Variants in TENM2 observed in about 807,000 individuals in gnomAD.
TENM2 encodes the protein teneurin transmembrane protein 2, also known as teneurin-2.
In TENM2, 52 loss-of-function variants were observed where a neutral mutation model predicts 245.2. The observed-to-expected ratio is 0.21, with a 90% CI of 0.17 to 0.27. The LOEUF (loss-of-function observed/expected upper bound fraction) is 0.27. Among genes scored for constraint, TENM2 ranks in the 10% least tolerant of loss-of-function variants. The pLI is 1.00. For synonymous variants in TENM2, 1,363 were observed against 1,438.9 expected, an observed-to-expected ratio of 0.95 and a Z score of 1.19; for missense variants, 3,046 against 3,666.8, an observed-to-expected ratio of 0.83 and a Z score of 4.37.
chr5:168,226,606 A>ATAGT (rs1211093786), intron 24 of TENM2, among the ~76,000 whole-genome samples: 9 of 151,904 alleles, frequency 5.9e-5, no homozygotes, highest in Non-Finnish European at 1.0e-4. Flanking sequence ...CCCAAAACAC[A>ATAGT]TAGTTATCTT....
intron 20 of TENM2, among the ~76,000 whole-genome samples, chr5:168,212,276 T>C (rs1477300401): frequency 1.3e-5 from 2 of 152,190 alleles, no homozygotes; most frequent in Non-Finnish European, 2.9e-5. Context: ...TAAAATCACT[T>C]TTGAATAGTT....
chr5:167,560,778 T>C (rs993052167), intron 2 of TENM2, among the ~76,000 whole-genome samples: 3 of 152,216 alleles, frequency 2.0e-5, no homozygotes, highest in African/African-American at 7.2e-5. Flanking sequence ...TTCTATACTA[T>C]ATCATAATTC....
intron 9 of TENM2, among the ~76,000 whole-genome samples, chr5:168,105,966 T>C (rs939781761): frequency 6.6e-6 from 1 of 152,238 alleles, no homozygotes. Flanking sequence ...TAAAGCAGCC[T>C]TGCATTTCAG....
At position 167,552,594 on chromosome 5, in the gene TENM2, G is replaced by T. The variant is rs759704737; in HGVS notation, c.502+177121G>T. ...AGACACCTATTGACATTGTAGCCTGGTAATGCTAATTACCACTGGAGGCAA... is the reference window on the plus strand; with the variant it reads ...AGACACCTATTGACATTGTAGCCTGTTAATGCTAATTACCACTGGAGGCAA... On this transcript the variant is annotated intron_variant, in intron 2 of 28. Transcript: ENST00000518659. 2.0e-5 allele frequency among the ~76,000 whole-genome samples: 3 copies of T among 152,152 alleles called. No individual in the cohort carries two copies. The East Asian group carries it at 5.8e-4, about 29-fold the overall frequency.
chr5:167,203,644 G>A, the TENM2 span, among the ~76,000 whole-genome samples: 6 of 152,198 alleles, frequency 3.9e-5, no homozygotes, highest in African/African-American at 1.2e-4. Context: ...AAATGTTAGC[G>A]ACCATTTCTT....
At chr5:167,770,885 G>A (rs1763358353) in intron 2 of TENM2, among the ~76,000 whole-genome samples, 1 of 152,082 alleles carries the variant, frequency 6.6e-6, no homozygotes, top group Non-Finnish European at 1.5e-5. Context: ...GTCCCACTGG[G>A]GAGGACCATG....
chr5:167,216,521 AT>A, the TENM2 span, among the ~76,000 whole-genome samples: 1 of 152,200 alleles, frequency 6.6e-6, no homozygotes, highest in African/African-American at 2.4e-5. Context: ...ACCTAACATT[AT>A]ATTTAGCCTG....
chr5:168,013,401 C>G (rs921295475), intron 5 of TENM2, among the ~76,000 whole-genome samples: 8 of 152,012 alleles, frequency 5.3e-5, no homozygotes, highest in African/African-American at 1.7e-4. Context: ...GTCAGGAGTT[C>G]AAGACCAGCC....
At chr5:167,962,950 CT>C (rs1781124652) in intron 4 of TENM2, among the ~76,000 whole-genome samples, 1 of 152,132 alleles carries the variant, frequency 6.6e-6, no homozygotes, top group South Asian at 2.1e-4. Flanking sequence ...TATTGAGTCC[CT>C]TGTGTATGCC....
chr5:167,694,852 T>A (rs905935698), intron 2 of TENM2, among the ~76,000 whole-genome samples: 1 of 152,060 alleles, frequency 6.6e-6, no homozygotes, highest in Non-Finnish European at 1.5e-5. Flanking sequence ...GAAAAAAAAA[T>A]TGTCATCACA....
chr5:167,427,475 G>A (rs1002318379), intron 2 of TENM2, among the ~76,000 whole-genome samples: 3 of 150,194 alleles, frequency 2.0e-5, no homozygotes, highest in Non-Finnish European at 3.0e-5. Flanking sequence ...GGAAGGAAGG[G>A]AAGGAAGGGA....
intron 9 of TENM2, among the ~76,000 whole-genome samples, chr5:168,112,931 G>T (rs1794794807): frequency 6.6e-6 from 1 of 152,198 alleles, no homozygotes; most frequent in Non-Finnish European, 1.5e-5. Flanking sequence ...GACTAACTGG[G>T]ATATAAGGCA....
chr5:167,464,765 T>C (rs1460488823), intron 2 of TENM2, among the ~76,000 whole-genome samples: 1 of 152,204 alleles, frequency 6.6e-6, no homozygotes, highest in South Asian at 2.1e-4. Flanking sequence ...AAATTTCTAT[T>C]GTAGGAAATA....
At chr5:167,044,026 TAGTAAGGACAGAAGGA>T in the TENM2 span, among the ~76,000 whole-genome samples, 29 of 71,994 alleles carry the variant, frequency 4.0e-4, no homozygotes, top group African/African-American at 1.5e-3. Context: ...CTCAAATAAA[TAGTAAGGACAGAAGGA>T]AGGAAGGAAG....
chr5:167,925,354 G>A (rs1777669403), intron 3 of TENM2, among the ~76,000 whole-genome samples: 1 of 152,200 alleles, frequency 6.6e-6, no homozygotes, highest in Non-Finnish European at 1.5e-5. Context: ...TCATGGGTGT[G>A]ACCTCCAGAG....
At chr5:168,250,605 C>T (rs578060754) in intron 27 of TENM2, among the ~76,000 whole-genome samples, 23 of 152,268 alleles carry the variant, frequency 1.5e-4, no homozygotes, top group African/African-American at 5.1e-4. Flanking sequence ...CAACTGTGGC[C>T]ATGCATTGCT....
the TENM2 span, among the ~76,000 whole-genome samples, chr5:167,180,528 C>A: frequency 4.6e-5 from 7 of 152,116 alleles, no homozygotes; most frequent in Non-Finnish European, 1.0e-4. Flanking sequence ...GCCCATTGAA[C>A]AATACAGGGG....
At chr5:167,901,259 G>A (rs990311397) in intron 3 of TENM2, among the ~76,000 whole-genome samples, 7 of 151,766 alleles carry the variant, frequency 4.6e-5, no homozygotes, top group Admixed American at 2.6e-4. Flanking sequence ...CACCTACCAC[G>A]GTTCCTAGCA....
chr5:167,984,869 A>G (rs1333403934), intron 4 of TENM2, among the ~76,000 whole-genome samples: 3 of 151,712 alleles, frequency 2.0e-5, no homozygotes, highest in Admixed American at 2.0e-4. Context: ...TCCACGTTCC[A>G]TGTCTCTGTC....
Sources: gnomAD v4.1 joint callset for allele counts (sites outside exome capture counted in the v4.1 genomes callset) on GRCh38, gnomAD v4.1.1 for gene constraint, MANE v1.5 for transcripts, NCBI Gene and HGNC (gene_info 2026-07-23, HGNC 2026-07-21) for gene names.